Variants in GLYAT observed in about 807,000 individuals in gnomAD.
GLYAT encodes the protein glycine-N-acyltransferase, also known as glycine N-acyltransferase.
Under a neutral mutation model 22.8 loss-of-function variants are expected in GLYAT, and 25 were observed. The ratio of observed to expected loss-of-function variants is 1.09; its 90% CI spans 0.80 to 1.53. The LOEUF is 1.53. Ranked by LOEUF, GLYAT falls within the 40% of genes most tolerant of loss-of-function variation. The probability of loss-of-function intolerance (pLI) is 0.00; values close to 1 mark genes in which losing one functional copy is unlikely to be tolerated. For missense variants in GLYAT, 411 were observed against 353.9 expected (o/e 1.16, Z -1.29); for synonymous variants, 140 against 122.7 (o/e 1.14, Z -0.93).
intron 2 of GLYAT, among the ~76,000 whole-genome samples, chr11:58,720,202 TTTTG>T (rs1252083180): frequency 1.3e-5 from 2 of 151,880 alleles, no homozygotes; most frequent in Non-Finnish European, 2.9e-5. Flanking sequence ...ACACACACAG[TTTTG>T]TTTATTTTTT....
intron 1 of GLYAT, among the ~76,000 whole-genome samples, chr11:58,728,944 A>T (rs1255842778): frequency 6.7e-6 from 1 of 149,664 alleles, no homozygotes; most frequent in East Asian, 2.0e-4. Context: ...GAAGGAAGGA[A>T]GGAGAGAATA....
intron 1 of GLYAT, among the ~76,000 whole-genome samples, chr11:58,730,120 T>C (rs1000528693): frequency 4.6e-5 from 7 of 152,158 alleles, no homozygotes; most frequent in African/African-American, 1.7e-4. Context: ...TCAGAATCTT[T>C]GATCCTGGTC....
intron 2 of GLYAT, among the ~76,000 whole-genome samples, chr11:58,716,307 C>T (rs1450685026): frequency 6.6e-6 from 1 of 151,946 alleles, no homozygotes. Flanking sequence ...TGGAAATACA[C>T]CAAAAAGGTG....
At chr11:58,728,889 AGAAG>A (rs71064488) in intron 1 of GLYAT, among the ~76,000 whole-genome samples, 1,763 of 100,938 alleles carry the variant, frequency 0.017, 38 homozygotes, top group East Asian at 0.028. Context: ...AAAGAAAGAA[AGAAG>A]GAAGGAAGGA....
intron 3 of GLYAT, among the ~76,000 whole-genome samples, chr11:58,714,044 A>G (rs758177954): frequency 3.4e-4 from 51 of 152,118 alleles, no homozygotes; most frequent in Non-Finnish European, 6.0e-4. Context: ...CATTATACTT[A>G]GTGAAATAAG....
Position 58,708,914 on chromosome 11 carries a change from T to A in GLYAT, c.*852A>T, listed in dbSNP as rs1041232216. On this transcript the variant is annotated 3_prime_UTR_variant, in exon 6 of 6. Coordinates refer to ENST00000344743, the MANE Select transcript of GLYAT (RefSeq NM_201648.3). ...GGCTAATTGGACAAGCAGGTGTTCA[T>A]GCTGTCTCCTCTCCCTTCAACTCCT... 6.6e-6 allele frequency: 1 copy of A among 152,204 alleles called. No homozygotes were observed. The highest frequency in any genetic ancestry group is 2.1e-4 in the South Asian group (1 of 4,834). The allele number at this position is 152,204 out of a possible 1,614,324, so 9.4% of individuals were successfully genotyped here.
intron 1 of GLYAT, among the ~76,000 whole-genome samples, chr11:58,724,981 T>C (rs1856797455): frequency 6.6e-6 from 1 of 152,098 alleles, no homozygotes; most frequent in Non-Finnish European, 1.5e-5. Context: ...AGGTCTTATA[T>C]TAAGCACTGA....
At chr11:58,713,300 A>T (rs542045511) in intron 3 of GLYAT, among the ~76,000 whole-genome samples, 2 of 152,284 alleles carry the variant, frequency 1.3e-5, no homozygotes, top group East Asian at 3.9e-4. Flanking sequence ...TCAAATATTC[A>T]ATTTATGTTG....
At chr11:58,713,625 T>G (rs1565055052) in intron 3 of GLYAT, among the ~76,000 whole-genome samples, 1 of 152,108 alleles carries the variant, frequency 6.6e-6, no homozygotes. Context: ...AAACAAACAA[T>G]CCACTTACAC....
At chr11:58,719,589 G>C (rs1483786325) in intron 2 of GLYAT, among the ~76,000 whole-genome samples, 2 of 151,936 alleles carry the variant, frequency 1.3e-5, no homozygotes, top group Non-Finnish European at 2.9e-5. Context: ...CCTGGGCCTT[G>C]AGGAGTTGAG....
intron 1 of GLYAT, among the ~76,000 whole-genome samples, chr11:58,724,943 A>T (rs1856797142): frequency 6.6e-6 from 1 of 152,104 alleles, no homozygotes; most frequent in African/African-American, 2.4e-5. Flanking sequence ...TAAAGGAATG[A>T]ATACCTGCAA....
intron 2 of GLYAT, among the ~76,000 whole-genome samples, chr11:58,722,760 T>C (rs1160784792): frequency 6.6e-6 from 1 of 152,080 alleles, no homozygotes; most frequent in African/African-American, 2.4e-5. Flanking sequence ...AGGCAGCTGT[T>C]ATCAGTTGAA....
chr11:58,715,420 A>G lies in GLYAT; in HGVS notation c.85T>C (p.Tyr29His), dbSNP rs776620067. Residue 29 changes from tyrosine (Y) to histidine (H), a missense_variant, in exon 3 of 6, where the codon TAT becomes CAT. By Grantham distance (83) the Tyr-to-His change is moderately conservative. Transcript: ENST00000344743. ...RKSLPASLKV[Y>H]GTVFHINHGN... ...TGGTTTATGTGAAAGACAGTTCCAT[A>G]AACCTGCAGGATCCCAAGAAATTGA... The G allele has an allele frequency of 2.7e-6, 4 of 1,478,746 alleles. No homozygotes were observed. Among genetic ancestry groups the G allele is most frequent in the Non-Finnish European group, 3.8e-6 (4 of 1,060,414 alleles). The allele number at this position is 1,478,746 out of a possible 1,614,324, so 91.6% of individuals were successfully genotyped here. A position where few individuals can be genotyped will look rare whatever the true frequency, so the allele number is the denominator to read the frequency against.
chr11:58,728,474 G>C lies in GLYAT; in HGVS notation c.-16+3361C>G, dbSNP rs72927718. Among the ~76,000 whole-genome samples, 1,268 of 152,176 alleles carry C rather than the reference G, an allele frequency of 8.3e-3. 3 individuals carry two copies. The highest frequency in any genetic ancestry group is 0.014 in the Non-Finnish European group (946 of 68,000). On this transcript the variant is annotated intron_variant, in intron 1 of 5. Transcript: ENST00000344743. ...TAAGGAGAGAATTGAGGTTGCTGCA[G>C]ACCCATAAGAATTCACTACCAGTAA...
At chr11:58,718,002 A>C (rs1856704528) in intron 2 of GLYAT, among the ~76,000 whole-genome samples, 1 of 152,012 alleles carries the variant, frequency 6.6e-6, no homozygotes, top group South Asian at 2.1e-4. Flanking sequence ...TGTGTCTGTT[A>C]GAAAGTGACA....
intron 1 of GLYAT, chr11:58,728,715 C>A (rs1856834771): frequency 6.6e-6 from 1 of 150,918 alleles, no homozygotes; most frequent in African/African-American, 2.5e-5. Flanking sequence ...AACCAGAGCA[C>A]AAGGACTGTC....
intron 2 of GLYAT, among the ~76,000 whole-genome samples, chr11:58,722,581 T>C (rs1345112000): frequency 6.6e-6 from 1 of 152,102 alleles, no homozygotes; most frequent in Non-Finnish European, 1.5e-5. Context: ...TCTTTTGAGT[T>C]TCTGATTAGC....
chr11:58,715,675 T>C (rs988000374), intron 2 of GLYAT, among the ~76,000 whole-genome samples: 1 of 152,160 alleles, frequency 6.6e-6, no homozygotes, highest in African/African-American at 2.4e-5. Flanking sequence ...TTTTGTTCAA[T>C]AATAAAATTA....
chr11:58,711,350 T>C (rs1208224987), intron 4 of GLYAT, among the ~76,000 whole-genome samples: 1 of 152,204 alleles, frequency 6.6e-6, no homozygotes, highest in African/African-American at 2.4e-5. Context: ...TACATAACCC[T>C]GTCTCCTCTG....
Sources: gnomAD v4.1 joint callset for allele counts (sites outside exome capture counted in the v4.1 genomes callset) on GRCh38, gnomAD v4.1.1 for gene constraint, MANE v1.5 for transcripts, NCBI Gene and HGNC (gene_info 2026-07-23, HGNC 2026-07-21) for gene names.